The following EIF3H variants were observed in gnomAD, a reference collection of about 807,000 sequenced individuals.
The protein encoded by EIF3H is eukaryotic translation initiation factor 3 subunit H.
A neutral mutation model predicts 44.2 loss-of-function variants in EIF3H; 26 were observed. The ratio of observed to expected loss-of-function variants is 0.59; its 90% CI spans 0.43 to 0.82. The LOEUF (loss-of-function observed/expected upper bound fraction) is 0.82. Among genes scored for constraint, EIF3H ranks in the 40% least tolerant of loss-of-function variants. The probability of loss-of-function intolerance (pLI) is 0.00; values close to 1 mark genes in which losing one functional copy is unlikely to be tolerated. For synonymous variants in EIF3H, 166 were observed against 151.9 expected (o/e 1.09, Z -0.68); for missense variants, 359 against 432.8 (o/e 0.83, Z 1.51).
chr8:116,698,352 T>C (rs1814305953), intron 2 of EIF3H, among the ~76,000 whole-genome samples: 1 of 152,156 alleles, frequency 6.6e-6, no homozygotes, highest in Non-Finnish European at 1.5e-5. Flanking sequence ...AGTGACAAGT[T>C]AGATGTCACT....
intron 2 of EIF3H, among the ~76,000 whole-genome samples, chr8:116,674,955 T>C (rs1016542297): frequency 1.3e-5 from 2 of 152,230 alleles, no homozygotes; most frequent in African/African-American, 4.8e-5. Flanking sequence ...CTTTTTTGTG[T>C]TAAACAAAGT....
intron 2 of EIF3H, chr8:116,689,117 A>G (rs1814129838): frequency 2.2e-6 from 1 of 449,998 alleles, no homozygotes; most frequent in Non-Finnish European, 4.5e-6. Flanking sequence ...CGAAGTTCTG[A>G]TGTATGCTGC....
chr8:116,727,235 T>C (rs546911126), intron 1 of EIF3H, among the ~76,000 whole-genome samples: 5 of 152,174 alleles, frequency 3.3e-5, no homozygotes, highest in South Asian at 2.1e-4. Flanking sequence ...AGAGAATCAA[T>C]GCGGTTGTCA....
At chr8:116,755,881 G>A, upstream of EIF3H, 1 of 1,580,876 alleles carries the variant, frequency 6.3e-7, no homozygotes, top group Non-Finnish European at 8.6e-7. Flanking sequence ...TCGCAGGCCG[G>A]CGTTCGAGGG....
At chr8:116,741,879 A>AT (rs1815139035) in intron 1 of EIF3H, among the ~76,000 whole-genome samples, 1 of 152,150 alleles carries the variant, frequency 6.6e-6, no homozygotes, top group Non-Finnish European at 1.5e-5. Context: ...AGCCTAGATA[A>AT]TTTTTTCTAA....
intron 1 of EIF3H, among the ~76,000 whole-genome samples, chr8:116,738,181 A>G (rs1201895500): frequency 6.6e-6 from 1 of 151,628 alleles, no homozygotes; most frequent in Non-Finnish European, 1.5e-5. Flanking sequence ...TTTAAAATAC[A>G]GCAGTAACTG....
At chr8:116,711,761 T>G (rs1490793816) in intron 2 of EIF3H, among the ~76,000 whole-genome samples, 1 of 152,206 alleles carries the variant, frequency 6.6e-6, no homozygotes, top group Non-Finnish European at 1.5e-5. Context: ...TCCAGACACA[T>G]TTACCTGCAT....
At chr8:116,739,430 C>A (rs1002856721) in intron 1 of EIF3H, among the ~76,000 whole-genome samples, 4 of 152,338 alleles carry the variant, frequency 2.6e-5, no homozygotes, top group Admixed American at 2.6e-4. Flanking sequence ...GCGGGCAGAT[C>A]ACGAGGTCAG....
At chr8:116,720,724 G>T (rs1225224593) in intron 2 of EIF3H, among the ~76,000 whole-genome samples, 1 of 152,104 alleles carries the variant, frequency 6.6e-6, no homozygotes, top group Non-Finnish European at 1.5e-5. Context: ...TCCAGGCTGA[G>T]GTGATCTCAG....
intron 1 of EIF3H, among the ~76,000 whole-genome samples, chr8:116,749,622 ATTCT>A (rs1300957873): frequency 6.6e-6 from 1 of 152,196 alleles, no homozygotes; most frequent in Non-Finnish European, 1.5e-5. Flanking sequence ...ATGAAGACCC[ATTCT>A]TTCTTTATTT....
chr8:116,646,702 G>A (rs201216929), intron 6 of EIF3H, 99 bp from the exon 7 acceptor site: 3 of 1,461,996 alleles, frequency 2.1e-6, no homozygotes, highest in Middle Eastern at 1.8e-4. Context: ...CCACTGCTCT[G>A]AATTCCAACC....
intron 1 of EIF3H, among the ~76,000 whole-genome samples, chr8:116,739,874 T>C (rs1815102171): frequency 6.6e-6 from 1 of 152,094 alleles, no homozygotes; most frequent in African/African-American, 2.4e-5. Flanking sequence ...ATGAAAATAG[T>C]TTACAGCAAT....
intron 2 of EIF3H, among the ~76,000 whole-genome samples, chr8:116,671,411 A>G (rs1374896587): frequency 6.6e-6 from 1 of 152,234 alleles, no homozygotes; most frequent in Admixed American, 6.5e-5. Context: ...CATCTTAACA[A>G]CAACAAAATC....
At chr8:116,681,798 C>T (rs1445142441) in intron 2 of EIF3H, among the ~76,000 whole-genome samples, 1 of 151,838 alleles carries the variant, frequency 6.6e-6, no homozygotes, top group Non-Finnish European at 1.5e-5. Context: ...CTGTAAAATA[C>T]TGTTCTGATA....
chr8:116,671,528 A>T (rs1813754603), intron 2 of EIF3H, among the ~76,000 whole-genome samples: 1 of 152,218 alleles, frequency 6.6e-6, no homozygotes, highest in South Asian at 2.1e-4. Context: ...GGGGGACAAA[A>T]ATCAGAAAGA....
At chr8:116,704,965 G>A (rs1814441825) in intron 2 of EIF3H, among the ~76,000 whole-genome samples, 1 of 152,176 alleles carries the variant, frequency 6.6e-6, no homozygotes, top group African/African-American at 2.4e-5. Flanking sequence ...GAGTTCCTCT[G>A]TACAAAAGGT....
intron 1 of EIF3H, among the ~76,000 whole-genome samples, chr8:116,762,365 C>T (rs1815526165): frequency 6.6e-6 from 1 of 152,156 alleles, no homozygotes; most frequent in Non-Finnish European, 1.5e-5. Flanking sequence ...TTCACAGTTG[C>T]GAGCGATCCA....
exon 1 of EIF3H, chr8:116,765,945 A>C (rs1815568152): frequency 1.3e-5 from 2 of 152,210 alleles, no homozygotes. Flanking sequence ...TTCCTGAGTG[A>C]CGTTAGTTTC....
intron 5 of EIF3H, among the ~76,000 whole-genome samples, chr8:116,655,619 G>A (rs1474342242): frequency 6.6e-6 from 1 of 152,114 alleles, no homozygotes; most frequent in African/African-American, 2.4e-5. Context: ...AGGCAGCAGA[G>A]GGTTCTTCTA....
Sources: allele counts gnomAD v4.1 joint callset (sites outside exome capture counted in the v4.1 genomes callset), GRCh38; gene constraint gnomAD v4.1.1; transcripts MANE v1.5; gene names NCBI Gene and HGNC (gene_info 2026-07-23, HGNC 2026-07-21).